B4GALNT3: variants seen among roughly 807,000 people sequenced by gnomAD.
The protein encoded by B4GALNT3 is beta-1,4-N-acetyl-galactosaminyltransferase 3.
B4GALNT3 carries 86 observed loss-of-function variants against 120.2 expected under a neutral mutation model. The observed-to-expected ratio is 0.72, with a 90% confidence interval of 0.60 to 0.86. The LOEUF is 0.86. B4GALNT3 is among the 40% of genes least tolerant of loss of function. B4GALNT3 has a pLI of 0.00. For missense variants in B4GALNT3, 1,167 were observed against 1,298.9 expected (o/e 0.90, Z 1.56); for synonymous variants, 518 against 510.4 (o/e 1.01, Z -0.20).
At chr12:480,727 G>C (rs1281458484) in intron 1 of B4GALNT3, among the ~76,000 whole-genome samples, 1 of 152,156 alleles carries the variant, frequency 6.6e-6, no homozygotes, top group Non-Finnish European at 1.5e-5. Flanking sequence ...AGAATAAAAG[G>C]GTGGGCTCCA....
At chr12:526,842 C>T (rs1349256417) in intron 1 of B4GALNT3, among the ~76,000 whole-genome samples, 1 of 152,168 alleles carries the variant, frequency 6.6e-6, no homozygotes, top group Non-Finnish European at 1.5e-5. Flanking sequence ...CCCAGAGCAG[C>T]GACAGCAGAA....
chr12:547,047 C>CCCTCA (rs556910620), intron 7 of B4GALNT3, among the ~76,000 whole-genome samples: 184 of 152,360 alleles, frequency 1.2e-3, no homozygotes, highest in African/African-American at 4.1e-3. Context: ...ACCGAGGTCC[C>CCCTCA]CCTCGGTCGT....
chr12:534,502 C>CT (rs370099694), intron 1 of B4GALNT3, among the ~76,000 whole-genome samples: 4 of 152,196 alleles, frequency 2.6e-5, no homozygotes, highest in African/African-American at 9.7e-5. Context: ...CATGGTTTGG[C>CT]TTTTTGCCTT....
chr12:532,054 C>T (rs1241440651), intron 1 of B4GALNT3, among the ~76,000 whole-genome samples: 1 of 141,934 alleles, frequency 7.0e-6, no homozygotes, highest in Non-Finnish European at 1.6e-5. Flanking sequence ...GATCCTGCTG[C>T]CTTGGCCTCC....
rs753783719 is a variant in B4GALNT3, at chr12:553,247, AC to A, written c.1328del (p.Pro443LeufsTer96). 6 of 1,613,186 alleles carry A rather than the reference AC, an allele frequency of 3.7e-6. No homozygotes were observed. Among genetic ancestry groups the A allele is most frequent in the Non-Finnish European group, 5.1e-6 (6 of 1,179,848 alleles). On this transcript the variant is annotated frameshift_variant, in exon 14 of 20. Transcript: ENST00000266383. LOFTEE classifies it high-confidence loss of function. ...ESQYGEVAEE[T>X]PASNNQNARM... is the part of the protein sequence containing the mutation. Reference sequence around the variant, plus strand: ...CCAGTATGGGGAAGTGGCAGAGGAGACCCCTGCCTCCAACAACCAGAATGCC... The same window carrying A: ...CCAGTATGGGGAAGTGGCAGAGGAGACCCTGCCTCCAACAACCAGAATGCC...
chr12:561,426 G>C lies in B4GALNT3; in HGVS notation c.2972G>C (p.Ser991Thr), dbSNP rs1294626016. ...HHFHSKRGMW[S>T]RRQMKTL ...TTCCATTCCAAGCGAGGCATGTGGA[G>C]CCGTCGCCAGATGAAGACGCTGTAG... Residue 991 changes from serine to threonine, a missense_variant, in exon 20 of 20, where the codon AGC (serine) becomes ACC (threonine). Around this residue, in one of 3 missense-constraint regions of B4GALNT3, gnomAD observed 983 missense variants for 1,102.5 expected, o/e 0.89. Transcript: ENST00000266383. The C allele has an allele frequency of 8.1e-6, 13 of 1,613,544 alleles. No homozygotes were observed. Among genetic ancestry groups the C allele is most frequent in the Non-Finnish European group, 9.3e-6 (11 of 1,179,938 alleles).
chr12:520,110 G>A (rs887723664), intron 1 of B4GALNT3, among the ~76,000 whole-genome samples: 1 of 152,202 alleles, frequency 6.6e-6, no homozygotes, highest in Non-Finnish European at 1.5e-5. Flanking sequence ...AGGGAAAAGG[G>A]AGTGGTGGGA....
At chr12:523,181 C>CT (rs1387786576) in intron 1 of B4GALNT3, among the ~76,000 whole-genome samples, 1 of 152,140 alleles carries the variant, frequency 6.6e-6, no homozygotes, top group African/African-American at 2.4e-5. Context: ...GGGCCAGTGT[C>CT]TGTCACTTCA....
intron 16 of B4GALNT3, 108 bp from the exon 17 acceptor site, chr12:557,907 TA>T: frequency 6.8e-7 from 1 of 1,477,938 alleles, no homozygotes; most frequent in South Asian, 1.2e-5. Context: ...CACCTGCCCA[TA>T]ATCCCATCCC....
chr12:511,013 CTTTTTTTTTTTTTTTTTTTTTTTTT>C (rs762032000), intron 1 of B4GALNT3, among the ~76,000 whole-genome samples: 17 of 43,908 alleles, frequency 3.9e-4, no homozygotes, highest in East Asian at 3.2e-3. Context: ...TTTGCCTATT[CTTTTTTTTTTTTTTTTTTTTTTTTT>C]TTTTTTTTTT....
At chr12:525,920 C>G (rs1231873994) in intron 1 of B4GALNT3, among the ~76,000 whole-genome samples, 3 of 152,210 alleles carry the variant, frequency 2.0e-5, no homozygotes, top group Non-Finnish European at 2.9e-5. Flanking sequence ...TTTTCCAATC[C>G]CGGAAAACGT....
intron 1 of B4GALNT3, among the ~76,000 whole-genome samples, chr12:508,392 A>G (rs2120562742): frequency 6.6e-6 from 1 of 152,120 alleles, no homozygotes; most frequent in Non-Finnish European, 1.5e-5. Context: ...CAATCTTCCC[A>G]CCTCAGGCTC....
rs552695834 is a variant in B4GALNT3, at chr12:545,288, C to T, written c.539-81C>T. On this transcript the variant is annotated intron_variant, in intron 5 of 19. Transcript: ENST00000266383. The stretch of plus-strand genomic sequence containing the variant: ...CATCAAGCACTGAAGGGAATTTAAT[C>T]GCTAAGACACTCACAAAAGCCTCCA... 18 of 1,523,860 alleles carry T rather than the reference C, an allele frequency of 1.2e-5. No homozygotes were observed. In the South Asian group the frequency reaches 1.7e-4, roughly 15 times the overall value. 94.4% of individuals were successfully genotyped at this position (1,523,860 alleles called of 1,614,324 possible).
In B4GALNT3 at chr12:551,905, G is replaced by A. The variant is rs544315278; in HGVS notation, c.1108-158G>A. ...ATGAGAGCCCCATCTGCATCACCAC[G>A]TTTCATTCGGCGCTCAGAGCAACCC... On this transcript the variant is annotated intron_variant, in intron 11 of 19. Coordinates refer to ENST00000266383, the MANE Select transcript of B4GALNT3 (RefSeq NM_173593.4). Among the ~76,000 whole-genome samples, 14 of 152,136 alleles carry A rather than the reference G, an allele frequency of 9.2e-5. No homozygotes were observed. In the South Asian group the frequency reaches 2.1e-3, roughly 23 times the overall value.
chr12:546,571 G>A, intron 6 of B4GALNT3, 75 bp from the exon 7 acceptor site: 1 of 1,322,990 alleles, frequency 7.6e-7, no homozygotes, highest in East Asian at 2.5e-5. Flanking sequence ...TCTCCTTCCT[G>A]GTCTCGCACT....
At position 549,969 on chromosome 12, in the gene B4GALNT3, A is replaced by G. The variant is rs572649881; in HGVS notation, c.997+57A>G. 3.0e-5 allele frequency: 46 copies of G among 1,533,640 alleles called. No individual in the cohort carries two copies. The African/African-American group carries it at 4.7e-4, about 16-fold the overall frequency. On this transcript the variant is annotated intron_variant, in intron 10 of 19. Transcript: ENST00000266383. ...CTGGGGACACTGCACTGCCAGGTCC[A>G]CTGCTGATGGTGGAGAAGGCTTGAG...
At chr12:482,680 G>T (rs1290445142) in intron 1 of B4GALNT3, among the ~76,000 whole-genome samples, 2 of 152,028 alleles carry the variant, frequency 1.3e-5, no homozygotes, top group East Asian at 3.9e-4. Flanking sequence ...AGGCACAGAG[G>T]GCTTCAAAAC....
chr12:550,929 G>A lies in B4GALNT3; in HGVS notation c.1005G>A (p.Leu335=), dbSNP rs1947074850. The A allele has an allele frequency of 6.2e-7, 1 of 1,612,478 alleles. No individual in the cohort carries two copies. The highest frequency in any genetic ancestry group is 1.3e-5 in the African/African-American group (1 of 74,880). ...CTCCTCCACTGTCCTCAGTGCCTCT[G>A]ATCCCCAAGTCGCATCTCCGCCACG... ...DPRDTLYRVP[L]IPKSHLRHVL... Residue 335 remains leucine (L), a synonymous_variant, in exon 11 of 20, where the codon CTG becomes CTA. Coordinates refer to ENST00000266383, the MANE Select transcript of B4GALNT3 (RefSeq NM_173593.4). The surrounding 1 kb of genome is among the most constrained non-coding windows in gnomAD (Gnocchi z 4.1).
intron 6 of B4GALNT3, 54 bp downstream of exon 6, chr12:545,523 G>T: frequency 6.7e-7 from 1 of 1,490,956 alleles, no homozygotes; most frequent in South Asian, 1.2e-5. Flanking sequence ...CCTGTTCATT[G>T]AGTCCTCCAG....
Sources: gnomAD v4.1 joint callset for allele counts (sites outside exome capture counted in the v4.1 genomes callset) on GRCh38, gnomAD v4.1.1 for gene constraint, gnomAD v4.1.1 regional missense constraint, Gnocchi (gnomAD v3.1) non-coding constraint, MANE v1.5 for transcripts, NCBI Gene and HGNC (gene_info 2026-07-23, HGNC 2026-07-21) for gene names.